NYAP2: variants seen among roughly 807,000 people sequenced by gnomAD.
NYAP2 encodes the protein neuronal tyrosine-phosphorylated phosphoinositide-3-kinase adaptor 2, also known as neuronal tyrosine-phosphorylated phosphoinositide-3-kinase adapter 2.
In NYAP2, 23 loss-of-function variants were observed where a neutral mutation model predicts 50.4. The ratio of observed to expected loss-of-function variants is 0.46; its 90% CI spans 0.33 to 0.65. The LOEUF (loss-of-function observed/expected upper bound fraction) is 0.65, where lower values mean the gene tolerates loss of function less well. Among genes scored for constraint, NYAP2 ranks in the 30% least tolerant of loss-of-function variants. The probability of loss-of-function intolerance (pLI) is 0.02; values close to 1 mark genes in which losing one functional copy is unlikely to be tolerated. For missense variants in NYAP2, 885 were observed against 861.0 expected, an observed-to-expected ratio of 1.03 and a Z score of -0.35; for synonymous variants, 394 against 365.2, an observed-to-expected ratio of 1.08 and a Z score of -0.90.
rs1689818475 is a variant in NYAP2 at position 225,460,928 on chromosome 2, G to A, written c.221+51827G>A. 4.1e-5 allele frequency among the ~76,000 whole-genome samples: 6 copies of A among 148,086 alleles called. No individual in the cohort carries two copies. In the South Asian group the frequency reaches 1.3e-3, roughly 31 times the overall value. On this transcript the variant is annotated intron_variant, in intron 3 of 6. Coordinates refer to ENST00000636099, the Ensembl canonical transcript of NYAP2. ...GAATGGTGTGAACCTGGGAGGCGGA[G>A]CTTGCAGTGAGCCGAAATCGCGCCA... is the stretch of plus-strand genomic sequence containing the variant.
intron 3 of NYAP2, among the ~76,000 whole-genome samples, chr2:225,489,887 C>T (rs1299463087): frequency 1.2e-4 from 18 of 152,118 alleles, no homozygotes; most frequent in Admixed American, 1.2e-3. Flanking sequence ...TTTTAAAGCT[C>T]CCCGGGGTGG....
At chr2:225,657,167 A>G (rs1182599802), downstream of NYAP2, among the ~76,000 whole-genome samples, 2 of 142,752 alleles carry the variant, frequency 1.4e-5, no homozygotes, top group African/African-American at 2.7e-5. Context: ...CTGGCGTGCA[A>G]TGATGCGATC....
intron 4 of NYAP2, among the ~76,000 whole-genome samples, chr2:225,543,368 T>C (rs1462101997): frequency 6.6e-6 from 1 of 151,952 alleles, no homozygotes; most frequent in African/African-American, 2.4e-5. Flanking sequence ...GAAGTTTTTC[T>C]TTTTCTTTGA....
At chr2:225,560,330 A>G (rs1179408777) in intron 4 of NYAP2, among the ~76,000 whole-genome samples, 1 of 152,106 alleles carries the variant, frequency 6.6e-6, no homozygotes, top group African/African-American at 2.4e-5. Context: ...CTTCTCAGAT[A>G]TTTATGTTGT....
At chr2:225,518,560 ATATATATATTAGCGTGTGCGCT>A (rs1690981539) in intron 4 of NYAP2, among the ~76,000 whole-genome samples, 2 of 49,164 alleles carry the variant, frequency 4.1e-5, no homozygotes, top group Admixed American at 2.5e-4. Flanking sequence ...ATATATATAT[ATATATATATTAGCGTGTGCGCT>A]TATATATATA....
intron 3 of NYAP2, among the ~76,000 whole-genome samples, chr2:225,409,578 G>A (rs1396202451): frequency 1.3e-5 from 2 of 151,986 alleles, no homozygotes; most frequent in African/African-American, 4.8e-5. Context: ...CTCAGGGTGT[G>A]CTCTCCCTAT....
intron 4 of NYAP2, among the ~76,000 whole-genome samples, chr2:225,580,750 T>C (rs1692257441): frequency 1.3e-5 from 2 of 152,014 alleles, no homozygotes; most frequent in Admixed American, 6.6e-5. Context: ...AACTCTTGTA[T>C]ATAAATTAGG....
At chr2:225,651,322 T>G in intron 6 of NYAP2, 110 bp from the exon 7 acceptor site, 1 of 1,403,624 alleles carries the variant, frequency 7.1e-7, no homozygotes, top group Non-Finnish European at 1.0e-6. Context: ...ATCAGGAGCA[T>G]TTTGTATATT....
chr2:225,613,125 GA>G (rs1692928826), intron 5 of NYAP2, among the ~76,000 whole-genome samples: 1 of 152,306 alleles, frequency 6.6e-6, no homozygotes, highest in South Asian at 2.1e-4. Context: ...GAGGAGCAAA[GA>G]AACCAGTCGT....
intron 3 of NYAP2, among the ~76,000 whole-genome samples, chr2:225,411,008 T>A (rs749963119): frequency 2.6e-5 from 4 of 152,154 alleles, no homozygotes; most frequent in African/African-American, 9.6e-5. Context: ...AAAGTAAAGA[T>A]AACTCAGATC....
At chr2:225,398,426 CAAT>C, upstream of NYAP2, among the ~76,000 whole-genome samples, 1 of 152,000 alleles carries the variant, frequency 6.6e-6, no homozygotes, top group South Asian at 2.1e-4. Context: ...AAATGTCTGT[CAAT>C]AATTTTTTTT....
At chr2:225,689,327 A>C in the NYAP2 span, among the ~76,000 whole-genome samples, 1 of 152,276 alleles carries the variant, frequency 6.6e-6, no homozygotes, top group African/African-American at 2.4e-5. Flanking sequence ...ATAACTTTTA[A>C]ATCTTCTTGA....
chr2:225,678,644 A>G, the NYAP2 span, among the ~76,000 whole-genome samples: 1 of 152,064 alleles, frequency 6.6e-6, no homozygotes, highest in Non-Finnish European at 1.5e-5. Flanking sequence ...AGTAAAAATA[A>G]AAAGACTTTT....
chr2:225,406,654 T>G (rs888458139), intron 2 of NYAP2, among the ~76,000 whole-genome samples: 1 of 152,006 alleles, frequency 6.6e-6, no homozygotes, highest in African/African-American at 2.4e-5. Context: ...TTCATTACTT[T>G]GAAGTTTTAC....
intron 6 of NYAP2, among the ~76,000 whole-genome samples, chr2:225,646,323 G>A (rs1156655520): frequency 2.6e-5 from 4 of 152,176 alleles, no homozygotes; most frequent in East Asian, 1.9e-4. Flanking sequence ...AGGCCAAGGC[G>A]GGCAGATCAC....
At chr2:225,651,477 G>T (rs1693731147) in exon 7 of NYAP2, 1 of 1,613,868 alleles carries the variant, frequency 6.2e-7, no homozygotes, top group Admixed American at 1.7e-5. Context: ...TCGACGTCAG[G>T]TGTGCCTCCT....
At position 225,496,022 on chromosome 2, in the gene NYAP2, C is replaced by T. The variant is rs138402109; in HGVS notation, c.222-17349C>T. 3.6e-4 allele frequency among the ~76,000 whole-genome samples: 55 copies of T among 152,188 alleles called. No individual in the cohort carries two copies. In the South Asian group the frequency reaches 0.011, roughly 30 times the overall value. On this transcript the variant is annotated intron_variant, in intron 3 of 6. Coordinates refer to ENST00000636099, the Ensembl canonical transcript of NYAP2. ...AGGATAAGCATGTTGAAGGTATATA[C>T]CAGGGAGTGGTAGAGATGATTGATC...
At chr2:225,438,700 T>C (rs1316827692) in intron 3 of NYAP2, among the ~76,000 whole-genome samples, 1 of 152,232 alleles carries the variant, frequency 6.6e-6, no homozygotes, top group Non-Finnish European at 1.5e-5. Context: ...CATCTACTCA[T>C]TTATTCAACA....
chr2:225,594,448 C>G (rs969707611), intron 5 of NYAP2, among the ~76,000 whole-genome samples: 2 of 151,836 alleles, frequency 1.3e-5, no homozygotes, highest in African/African-American at 4.8e-5. Flanking sequence ...CACTTAAACC[C>G]GGGGGCAGAG....
Sources: gnomAD v4.1 joint callset for allele counts (sites outside exome capture counted in the v4.1 genomes callset) on GRCh38, gnomAD v4.1.1 for gene constraint, MANE v1.5 for transcripts, NCBI Gene and HGNC (gene_info 2026-07-23, HGNC 2026-07-21) for gene names.